The following CEP170 variants were observed in gnomAD, a reference collection of about 807,000 sequenced individuals.
CEP170 encodes centrosomal protein 170, also known as centrosomal protein of 170 kDa.
Under a neutral mutation model 151.9 loss-of-function variants are expected in CEP170, and 21 were observed. That is an observed-to-expected ratio of 0.14 (90% CI 0.10 to 0.20). CEP170 has a LOEUF of 0.20. Among genes scored for constraint, CEP170 ranks in the 10% least tolerant of loss-of-function variants. CEP170 has a pLI of 1.00. For missense variants in CEP170, 964 were observed against 1,892.9 expected, an observed-to-expected ratio of 0.51 and a Z score of 9.11; for synonymous variants, 356 against 648.8, an observed-to-expected ratio of 0.55 and a Z score of 6.86.
At chr1:243,157,725 G>A (rs2057685848) in intron 13 of CEP170, among the ~76,000 whole-genome samples, 1 of 152,104 alleles carries the variant, frequency 6.6e-6, no homozygotes, top group South Asian at 2.1e-4. Flanking sequence ...TTCAGCTGGG[G>A]ATCTCTAAGG....
rs191460875 is a variant in CEP170, at chr1:243,156,161, T to C, written c.3911+60A>G. 3.6e-5 allele frequency: 55 copies of C among 1,509,920 alleles called. 2 individuals are homozygous for C. The African/African-American group carries it at 7.0e-4, about 19-fold the overall frequency. 93.5% of individuals were successfully genotyped at this position (1,509,920 alleles called of 1,614,324 possible). A position where few individuals can be genotyped will look rare whatever the true frequency, so the allele number is the denominator to read the frequency against. ...AAATCAAGTACAAGCTAAACTTTGT[T>C]ACCAAGTTGTAATGTTCATAGAAAT... On this transcript the variant is annotated intron_variant, in intron 14 of 19. Transcript: ENST00000366542.
At chr1:243,163,260 A>T (rs897811337) in intron 13 of CEP170, 9 of 152,232 alleles carry the variant, frequency 5.9e-5, no homozygotes, top group African/African-American at 2.2e-4. Context: ...TTAACTCAAG[A>T]CTTAGGGCTT....
intron 7 of CEP170, among the ~76,000 whole-genome samples, chr1:243,197,585 A>G (rs2060739056): frequency 6.6e-6 from 1 of 151,920 alleles, no homozygotes; most frequent in Non-Finnish European, 1.5e-5. Flanking sequence ...TTCCTGTTGG[A>G]TGTGATCAAA....
At chr1:243,127,135 T>C (rs1445149576) in intron 19 of CEP170, among the ~76,000 whole-genome samples, 1 of 152,220 alleles carries the variant, frequency 6.6e-6, no homozygotes, top group African/African-American at 2.4e-5. Flanking sequence ...AAGTCAGGGT[T>C]CAGAGTAACC....
intron 8 of CEP170, 42 bp downstream of exon 8, chr1:243,190,976 T>A (rs2060275559): frequency 1.4e-6 from 2 of 1,469,828 alleles, no homozygotes; most frequent in Non-Finnish European, 1.8e-6. Context: ...CAGATTTTCT[T>A]TATCGTAAAG....
At chr1:243,234,291 C>G (rs1041996502) in intron 1 of CEP170, among the ~76,000 whole-genome samples, 5 of 152,210 alleles carry the variant, frequency 3.3e-5, no homozygotes, top group African/African-American at 9.7e-5. Flanking sequence ...AAGATATTAT[C>G]TACTTAGGCA....
intron 3 of CEP170, among the ~76,000 whole-genome samples, chr1:243,215,202 C>T (rs781534655): frequency 2.6e-5 from 4 of 152,068 alleles, no homozygotes; most frequent in Admixed American, 1.3e-4. Context: ...GGATGTATGT[C>T]GCCTCAGGAC....
Position 243,237,524 on chromosome 1 carries a change from T to C in CEP170, c.-41-12203A>G, listed in dbSNP as rs536661101. 1.2e-3 allele frequency among the ~76,000 whole-genome samples: 189 copies of C among 152,308 alleles called. 2 individuals are homozygous for C. The highest frequency in any genetic ancestry group is 4.3e-3 in the African/African-American group (178 of 41,570). ...ATAGTATATAAACATGCAGAATAGC[T>C]GATAAAATAATGCATGCTGGAAAAG... On this transcript the variant is annotated intron_variant, in intron 1 of 19. Coordinates refer to ENST00000366542, the MANE Select transcript of CEP170 (RefSeq NM_014812.3).
chr1:243,223,245 A>G (rs2062966298), intron 2 of CEP170, among the ~76,000 whole-genome samples: 1 of 152,196 alleles, frequency 6.6e-6, no homozygotes, highest in Non-Finnish European at 1.5e-5. Flanking sequence ...TGAGGAAAAG[A>G]GTACATAGGA....
At position 243,246,248 on chromosome 1, in the gene CEP170, T is replaced by TC. The variant is rs1333391732; in HGVS notation, c.-42+8791_-42+8792insG. Among the ~76,000 whole-genome samples the TC allele has an allele frequency of 7.7e-3, 1,149 of 149,226 alleles. 6 individuals carry two copies. The highest frequency in any genetic ancestry group is 0.026 in the South Asian group (119 of 4,644). ...TTACTTTTTTTTTTTTTTTTTTTTT[T>TC]TGAGACAGAGTCTCGCTCTGCCACC... On this transcript the variant is annotated intron_variant, in intron 1 of 19. Coordinates refer to ENST00000366542, the MANE Select transcript of CEP170 (RefSeq NM_014812.3).
chr1:243,214,047 T>A (rs1288326548), intron 3 of CEP170, among the ~76,000 whole-genome samples: 1 of 152,152 alleles, frequency 6.6e-6, no homozygotes, highest in Non-Finnish European at 1.5e-5. Flanking sequence ...AAAAGAAATA[T>A]TGACAGCCTT....
chr1:243,204,492 T>C (rs2061277779), intron 4 of CEP170, among the ~76,000 whole-genome samples: 1 of 152,194 alleles, frequency 6.6e-6, no homozygotes, highest in African/African-American at 2.4e-5. Context: ...GGGTTCTTAC[T>C]TATGATGACT....
intron 10 of CEP170, among the ~76,000 whole-genome samples, chr1:243,173,988 T>G (rs1300324018): frequency 6.6e-6 from 1 of 152,216 alleles, no homozygotes; most frequent in Non-Finnish European, 1.5e-5. Context: ...TGCGACATAG[T>G]AGATAGCATA....
At chr1:243,169,442 A>C in intron 12 of CEP170, 186 bp downstream of exon 12, 1 of 1,107,790 alleles carries the variant, frequency 9.0e-7, no homozygotes, top group Non-Finnish European at 1.3e-6. Context: ...TTCATTTATC[A>C]GCATGAGAAT....
In CEP170 at chr1:243,156,299, C is replaced by T. The variant is rs1357370492; in HGVS notation, c.3833G>A (p.Ser1278Asn). The stretch of plus-strand genomic sequence containing the variant: ...TTTAATCCGGTGTTTGAATGAAGAA[C>T]TAGTAGGCATTGCTGATCCAGCGCT... ...LQSAGSAMPT[S>N]SSFKHRIKEQ... is the part of the protein sequence containing the mutation. The change falls in exon 14 of 20, where the codon AGT becomes AAT. Residue 1278 changes from serine (S) to asparagine (N), a missense_variant. Coordinates refer to ENST00000366542, the MANE Select transcript of CEP170 (RefSeq NM_014812.3). 7 of 1,592,080 alleles carry T rather than the reference C, an allele frequency of 4.4e-6. No homozygotes were observed. Among genetic ancestry groups the T allele is most frequent in the East Asian group, 2.3e-5 (1 of 44,192 alleles).
chr1:243,209,037 G>C (rs2789234), intron 4 of CEP170, among the ~76,000 whole-genome samples: 1 of 151,950 alleles, frequency 6.6e-6, no homozygotes, highest in Admixed American at 6.6e-5. Flanking sequence ...ATGAGTTTAC[G>C]GTCATTTTAA....
intron 1 of CEP170, among the ~76,000 whole-genome samples, chr1:243,230,441 T>C (rs2063639693): frequency 6.6e-6 from 1 of 152,156 alleles, no homozygotes; most frequent in Admixed American, 6.5e-5. Context: ...TAGTTGAAGG[T>C]GTTAAATCAA....
intron 13 of CEP170, among the ~76,000 whole-genome samples, chr1:243,159,547 T>C (rs1456657114): frequency 6.6e-6 from 1 of 152,172 alleles, no homozygotes. Flanking sequence ...AGTTAAAATA[T>C]TTTAAATTTC....
At chr1:243,142,784 G>A (rs1425549431) in intron 14 of CEP170, among the ~76,000 whole-genome samples, 1 of 152,070 alleles carries the variant, frequency 6.6e-6, no homozygotes, top group Non-Finnish European at 1.5e-5. Flanking sequence ...GGGGAATAAT[G>A]GATAGAATTC....
Sources: allele counts gnomAD v4.1 joint callset (sites outside exome capture counted in the v4.1 genomes callset), GRCh38; gene constraint gnomAD v4.1.1; transcripts MANE v1.5; gene names NCBI Gene and HGNC (gene_info 2026-07-23, HGNC 2026-07-21).